NCOR2: variants seen among roughly 807,000 people sequenced by gnomAD.
NCOR2 encodes CTG repeat protein 26.
NCOR2 carries 81 observed loss-of-function variants against 262.9 expected under a neutral mutation model. The observed-to-expected ratio is 0.31, with a 90% CI of 0.26 to 0.37. The LOEUF (loss-of-function observed/expected upper bound fraction) is 0.37, where lower values mean the gene tolerates loss of function less well. Ranked by LOEUF, NCOR2 falls within the 10% of genes least tolerant of loss-of-function variation. The pLI, the probability that NCOR2 is intolerant of heterozygous loss-of-function variation, is 1.00. For missense variants in NCOR2, 3,385 were observed against 3,621.4 expected (o/e 0.93, Z 1.68); for synonymous variants, 1,659 against 1,559.3 (o/e 1.06, Z -1.51).
rs1209300664 is a variant in NCOR2, at chr12:124,443,224, T to C, written c.816-5228A>G. Among the ~76,000 whole-genome samples, 1 of 152,154 alleles carries C rather than the reference T, an allele frequency of 6.6e-6. No individual in the cohort carries two copies. Among genetic ancestry groups the C allele is most frequent in the Non-Finnish European group, 1.5e-5 (1 of 68,020 alleles). ...TCACTGCAGCTGGAAAACGACTCGG[T>C]GAGCATGAGGCCTCGGGGTGGTGGT... On this transcript the variant is annotated intron_variant, in intron 7 of 46. Coordinates refer to ENST00000405201, the Ensembl canonical transcript of NCOR2. This position sits in a 1 kb window ranked among gnomAD's most constrained non-coding sequence, Gnocchi z 4.4.
intron 28 of NCOR2, chr12:124,348,530 C>T (rs914098812): frequency 5.1e-5 from 30 of 590,674 alleles, no homozygotes; most frequent in Non-Finnish European, 7.2e-5. Context: ...GGGGGTTGCA[C>T]GGTGGGAGAT....
chr12:124,506,855 G>A (rs1288860514), intron 1 of NCOR2, among the ~76,000 whole-genome samples: 1 of 152,216 alleles, frequency 6.6e-6, no homozygotes, highest in Non-Finnish European at 1.5e-5. Flanking sequence ...CCCCTGGGCT[G>A]TGACGGCAGG....
At chr12:124,553,340 T>C (rs79634531) in intron 1 of NCOR2, among the ~76,000 whole-genome samples, 395 of 152,300 alleles carry the variant, frequency 2.6e-3, no homozygotes, top group African/African-American at 8.9e-3. Context: ...CTTTGCAGCA[T>C]AAAATAATAT....
At chr12:124,330,985 G>C in intron 43 of NCOR2, 87 bp from the exon 46 acceptor site, 1 of 1,392,042 alleles carries the variant, frequency 7.2e-7, no homozygotes, top group Non-Finnish European at 9.9e-7. Flanking sequence ...GGCCAGGTGT[G>C]CTGGCATCAC....
At chr12:124,554,586 G>A (rs1302036275) in intron 1 of NCOR2, among the ~76,000 whole-genome samples, 1 of 152,256 alleles carries the variant, frequency 6.6e-6, no homozygotes, top group African/African-American at 2.4e-5. Context: ...CGAGCACAGA[G>A]GCGGCCTGGA....
upstream of NCOR2, among the ~76,000 whole-genome samples, chr12:124,497,701 C>T (rs890361734): frequency 3.3e-5 from 5 of 152,198 alleles, no homozygotes; most frequent in African/African-American, 1.2e-4. This position sits in a 1 kb window ranked among gnomAD's most constrained non-coding sequence, Gnocchi z 4.2. Context: ...CAGGAAAGGC[C>T]GGGTGGCGGA....
At position 124,483,644 on chromosome 12, in the gene NCOR2, T is replaced by C. The variant is rs758104554; in HGVS notation, c.363A>G (p.Ser121=). The stretch of plus-strand genomic sequence containing the variant: ...CAGGCTGGCCCGTGGCCAGCAGGGG[T>C]GACGGTCGCAGCAGGGGGTCAGGCA... Residue 121 remains serine, a synonymous_variant, in exon 3 of 47, where the codon TCA becomes TCG. Coordinates refer to ENST00000405201, the Ensembl canonical transcript of NCOR2. This position sits in a 1 kb window ranked among gnomAD's most constrained non-coding sequence, Gnocchi z 6.3. The C allele has an allele frequency of 7.5e-6, 12 of 1,609,050 alleles. No homozygotes were observed. Among genetic ancestry groups the C allele is most frequent in the Non-Finnish European group, 1.0e-5 (12 of 1,178,224 alleles).
chr12:124,341,953 G>T (rs1210529061), exon 34 of NCOR2: 1 of 1,613,232 alleles, frequency 6.2e-7, no homozygotes, highest in Non-Finnish European at 8.5e-7. Flanking sequence ...TGTAGTCATT[G>T]ATGATGGTCT....
rs1368772152 is a variant in NCOR2 at position 124,389,257 on chromosome 12, G to A, written c.1877-3370C>T. On this transcript the variant is annotated intron_variant, in intron 16 of 46. Coordinates refer to ENST00000405201, the Ensembl canonical transcript of NCOR2. The surrounding 1 kb of genome is among the most constrained non-coding windows in gnomAD (Gnocchi z 4.4). ...AGGACCCAGGCCCAGCAGGGCAGCCGTGTCCCCCGCAGCCGGGCTCAGCTC... is the reference window on the plus strand; with the variant it reads ...AGGACCCAGGCCCAGCAGGGCAGCCATGTCCCCCGCAGCCGGGCTCAGCTC... Among the ~76,000 whole-genome samples, 1 of 152,224 alleles carries A rather than the reference G, an allele frequency of 6.6e-6. No individual in the cohort carries two copies. Among genetic ancestry groups the A allele is most frequent in the African/African-American group, 2.4e-5 (1 of 41,464 alleles).
chr12:124,501,062 G>GCACGCGCGCACA (rs1164232439), intron 1 of NCOR2, among the ~76,000 whole-genome samples: 1 of 147,810 alleles, frequency 6.8e-6, no homozygotes, highest in African/African-American at 2.5e-5. Context: ...GCGCACGCGC[G>GCACGCGCGCACA]CACACACACA....
chr12:124,434,595 G>A lies in NCOR2; in HGVS notation c.882+3335C>T, dbSNP rs115419599. On this transcript the variant is annotated intron_variant, in intron 8 of 46. Transcript: ENST00000405201. ...CTGAGCTCCTTCCAGCAGCTGCAGCGATCCTTTTAAATGGAAATCAGATCC... is the reference window on the plus strand; with the variant it reads ...CTGAGCTCCTTCCAGCAGCTGCAGCAATCCTTTTAAATGGAAATCAGATCC... 3.6e-3 allele frequency among the ~76,000 whole-genome samples: 544 copies of A among 152,212 alleles called. 4 individuals carry two copies. Among genetic ancestry groups the A allele is most frequent in the African/African-American group, 0.013 (522 of 41,522 alleles).
rs2050766636 is a variant in NCOR2, at chr12:124,531,435, C to A, written c.-118+4130G>T. Among the ~76,000 whole-genome samples, 1 of 152,136 alleles carries A rather than the reference C, an allele frequency of 6.6e-6. No homozygotes were observed. On this transcript the variant is annotated intron_variant, in intron 1 of 46. Coordinates refer to the NCOR2 transcript ENST00000404621. This position sits in a 1 kb window ranked among gnomAD's most constrained non-coding sequence, Gnocchi z 4.5. Reference sequence around the variant, plus strand: ...AACTGTCAGCCTCCTCCTCTCAGCCCGCCATCACAGGCACCATTAATTGCT... The same window carrying A: ...AACTGTCAGCCTCCTCCTCTCAGCCAGCCATCACAGGCACCATTAATTGCT...
intron 43 of NCOR2, 66 bp downstream of exon 45, chr12:124,332,253 C>A: frequency 5.0e-6 from 8 of 1,591,892 alleles, no homozygotes; most frequent in Non-Finnish European, 6.9e-6. Flanking sequence ...GCGGCTCCAG[C>A]TGCCCAGGCA....
At chr12:124,406,651 T>G (rs910827801) in intron 13 of NCOR2, among the ~76,000 whole-genome samples, 6 of 152,166 alleles carry the variant, frequency 3.9e-5, no homozygotes, top group South Asian at 2.1e-4. Flanking sequence ...AGGCTGACAG[T>G]GGGTTTGTGC....
intron 27 of NCOR2, among the ~76,000 whole-genome samples, chr12:124,353,259 C>G (rs1463765922): frequency 6.6e-6 from 1 of 152,234 alleles, no homozygotes; most frequent in African/African-American, 2.4e-5. Flanking sequence ...GGAGTCAGGG[C>G]AGGCCGCTGC....
At chr12:124,494,358 C>T (rs573655229) in intron 1 of NCOR2, among the ~76,000 whole-genome samples, 19 of 152,308 alleles carry the variant, frequency 1.2e-4, no homozygotes, top group South Asian at 6.2e-4. Context: ...CTCTGAAAGC[C>T]GCTTGGCAAA....
chr12:124,395,410 T>C (rs1056779722), intron 16 of NCOR2, among the ~76,000 whole-genome samples: 2 of 152,198 alleles, frequency 1.3e-5, no homozygotes, highest in African/African-American at 2.4e-5. Context: ...CAGATTGCTG[T>C]AATTCACGGC....
At chr12:124,398,575 C>T (rs776621527) in intron 15 of NCOR2, among the ~76,000 whole-genome samples, 3 of 152,196 alleles carry the variant, frequency 2.0e-5, no homozygotes, top group East Asian at 1.9e-4. Context: ...GGTGACGTGG[C>T]GACAGTGGGA....
chr12:124,325,356 G>T, exon 47 of NCOR2: 1 of 1,148,242 alleles, frequency 8.7e-7, no homozygotes, highest in Non-Finnish European at 1.1e-6. Flanking sequence ...CCGTTCCTGT[G>T]GCTCGCTGGG....
Sources: allele counts gnomAD v4.1 joint callset (sites outside exome capture counted in the v4.1 genomes callset), GRCh38; gene constraint gnomAD v4.1.1; non-coding constraint Gnocchi (gnomAD v3.1); transcripts MANE v1.5; gene names NCBI Gene and HGNC (gene_info 2026-07-23, HGNC 2026-07-21).